Variants in CALN1 observed in about 807,000 individuals in gnomAD.
CALN1 encodes the protein calcium-binding protein 8.
In CALN1, 17 loss-of-function variants were observed where a neutral mutation model predicts 30.6. That is an observed-to-expected ratio of 0.56 (90% CI 0.38 to 0.83). The LOEUF (loss-of-function observed/expected upper bound fraction) is 0.83, where lower values mean the gene tolerates loss of function less well. Among genes scored for constraint, CALN1 ranks in the 40% least tolerant of loss-of-function variants. The pLI, the probability that CALN1 is intolerant of heterozygous loss-of-function variation, is 0.00. For missense variants in CALN1, 291 were observed against 354.9 expected, an observed-to-expected ratio of 0.82 and a Z score of 1.45; for synonymous variants, 156 against 131.4, an observed-to-expected ratio of 1.19 and a Z score of -1.28.
chr7:71,855,705 T>C (rs968555503), intron 5 of CALN1, among the ~76,000 whole-genome samples: 4 of 152,164 alleles, frequency 2.6e-5, no homozygotes, highest in African/African-American at 7.2e-5. Context: ...TGATGGCATT[T>C]GGACTCTGGT....
intron 2 of CALN1, among the ~76,000 whole-genome samples, chr7:72,392,588 G>A (rs910374764): frequency 9.2e-5 from 14 of 152,078 alleles, no homozygotes; most frequent in African/African-American, 3.1e-4. Context: ...TGTCTCATAC[G>A]GTCTGCTAAC....
intron 5 of CALN1, among the ~76,000 whole-genome samples, chr7:71,985,495 G>C (rs1199508920): frequency 1.3e-5 from 2 of 150,770 alleles, no homozygotes; most frequent in Non-Finnish European, 1.5e-5. Flanking sequence ...AAAACAAAGA[G>C]AGAACAACTT....
intron 3 of CALN1, among the ~76,000 whole-genome samples, chr7:72,110,296 T>C (rs960421320): frequency 1.3e-5 from 2 of 152,184 alleles, no homozygotes; most frequent in Non-Finnish European, 1.5e-5. Context: ...AGCTGAGCCT[T>C]TGGACCTCCG....
chr7:71,858,108 C>A (rs2116639549), intron 5 of CALN1, among the ~76,000 whole-genome samples: 1 of 152,228 alleles, frequency 6.6e-6, no homozygotes, highest in Non-Finnish European at 1.5e-5. Context: ...ATGGGAGGGA[C>A]CCTGTGGGAA....
intron 5 of CALN1, among the ~76,000 whole-genome samples, chr7:71,828,536 G>A (rs1219305133): frequency 6.6e-6 from 1 of 151,736 alleles, no homozygotes; most frequent in African/African-American, 2.4e-5. Flanking sequence ...ATTGTATTTT[G>A]GAAAGACTTA....
rs1020594530 is a variant in CALN1 at position 71,781,700 on chromosome 7, G to A, written c.*6075C>T. On this transcript the variant is annotated 3_prime_UTR_variant, in exon 7 of 7. Coordinates refer to ENST00000395275, the MANE Select transcript of CALN1 (RefSeq NM_031468.4). ...CCAGCCTCTGCATCCTTTCCACTTG[G>A]ACAATAACTTCTAACAGTGCGAGAA... 6.6e-6 allele frequency: 1 copy of A among 152,082 alleles called. No homozygotes were observed. Among genetic ancestry groups the A allele is most frequent in the African/African-American group, 2.4e-5 (1 of 41,392 alleles). 9.4% of individuals were successfully genotyped at this position (152,082 alleles called of 1,614,324 possible).
intron 4 of CALN1, among the ~76,000 whole-genome samples, chr7:72,064,837 G>A (rs889028121): frequency 8.6e-5 from 13 of 151,770 alleles, no homozygotes; most frequent in African/African-American, 3.1e-4. Flanking sequence ...AACTTGCATA[G>A]CTTTTATGGA....
the CALN1 span, among the ~76,000 whole-genome samples, chr7:72,458,242 ATATAATATATTT>A: frequency 1.6e-4 from 14 of 87,836 alleles, no homozygotes; most frequent in Non-Finnish European, 2.9e-4. Flanking sequence ...ATTCTATATT[ATATAATATATTT>A]TATAATATAT....
intron 4 of CALN1, among the ~76,000 whole-genome samples, chr7:72,067,248 T>C (rs1421529160): frequency 1.3e-5 from 2 of 152,118 alleles, no homozygotes; most frequent in Non-Finnish European, 2.9e-5. Flanking sequence ...GGTTTCTCCA[T>C]ACCTTTTCTT....
intron 3 of CALN1, among the ~76,000 whole-genome samples, chr7:72,213,954 G>A (rs1382073978): frequency 6.6e-6 from 1 of 152,186 alleles, no homozygotes; most frequent in African/African-American, 2.4e-5. Flanking sequence ...CAAGCTGAGG[G>A]TGGAGTAGAG....
the CALN1 span, among the ~76,000 whole-genome samples, chr7:72,468,258 T>C: frequency 6.6e-6 from 1 of 152,240 alleles, no homozygotes; most frequent in Non-Finnish European, 1.5e-5. Context: ...TTGGGGCATA[T>C]TCCTAAGAGG....
chr7:72,006,858 C>A (rs1183121578), intron 5 of CALN1, among the ~76,000 whole-genome samples: 1 of 152,002 alleles, frequency 6.6e-6, no homozygotes, highest in Admixed American at 6.6e-5. Flanking sequence ...GCATGCCTCC[C>A]AGACTCCTAA....
At chr7:71,809,421 T>A (rs540742394) in intron 6 of CALN1, among the ~76,000 whole-genome samples, 2 of 129,946 alleles carry the variant, frequency 1.5e-5, no homozygotes, top group Non-Finnish European at 3.1e-5. Flanking sequence ...CTAGTGTCTA[T>A]GTGACAGCTT....
intron 2 of CALN1, among the ~76,000 whole-genome samples, chr7:72,326,139 G>A (rs575779924): frequency 1.2e-4 from 19 of 152,280 alleles, no homozygotes; most frequent in Admixed American, 2.6e-4. Flanking sequence ...CTGGCCTCCC[G>A]AGGTCCGCCT....
chr7:72,117,487 T>A (rs995869591), intron 3 of CALN1, among the ~76,000 whole-genome samples: 1 of 152,130 alleles, frequency 6.6e-6, no homozygotes, highest in Non-Finnish European at 1.5e-5. Flanking sequence ...TGCTGGTCAG[T>A]TATGCCTAAA....
intron 3 of CALN1, among the ~76,000 whole-genome samples, chr7:72,214,421 G>T (rs930408356): frequency 2.0e-5 from 3 of 152,080 alleles, no homozygotes; most frequent in Non-Finnish European, 4.4e-5. Flanking sequence ...GGAGGCTGCA[G>T]TGAGCCAAGA....
In CALN1 at chr7:72,324,027, TTTTTG is replaced by T. The variant is rs201182852; in HGVS notation, c.120-45222_120-45218del. ...TGGGTGACAGAGTGAGACTCTGGGT[TTTTTG>T]TTTTGTTTTGTTTTTTTAAATGCAG... On this transcript the variant is annotated intron_variant, in intron 2 of 6. Transcript: ENST00000395275. Among the ~76,000 whole-genome samples, 605 of 151,864 alleles carry T rather than the reference TTTTTG, an allele frequency of 4.0e-3. 3 individuals carry two copies. Among genetic ancestry groups the T allele is most frequent in the African/African-American group, 0.014 (574 of 41,468 alleles).
At chr7:71,845,991 T>G in intron 5 of CALN1, among the ~76,000 whole-genome samples, 1 of 152,058 alleles carries the variant, frequency 6.6e-6, no homozygotes, top group East Asian at 1.9e-4. Flanking sequence ...AGGCGGAGGT[T>G]GCCGTGAGCT....
intron 2 of CALN1, among the ~76,000 whole-genome samples, chr7:72,317,062 G>GAGAAAGACAC (rs1323518198): frequency 0.032 from 3,120 of 98,510 alleles, 129 homozygotes; most frequent in African/African-American, 0.13. Context: ...AAGAGAGAGA[G>GAGAAAGACAC]AGAAAGAGAG....
Sources: allele counts gnomAD v4.1 joint callset (sites outside exome capture counted in the v4.1 genomes callset), GRCh38; gene constraint gnomAD v4.1.1; transcripts MANE v1.5; gene names NCBI Gene and HGNC (gene_info 2026-07-23, HGNC 2026-07-21).